The following CDO1 variants were observed in gnomAD, a reference collection of about 807,000 sequenced individuals.
The protein encoded by CDO1 is cysteine dioxygenase type 1.
A neutral mutation model predicts 24.5 loss-of-function variants in CDO1; 19 were observed. The observed-to-expected ratio is 0.77, with a 90% CI of 0.54 to 1.14. The LOEUF (loss-of-function observed/expected upper bound fraction) is 1.14, where lower values mean the gene tolerates loss of function less well. Ranked by LOEUF, CDO1 falls within the 50% of genes most tolerant of loss-of-function variation. The pLI is 0.00. For missense variants in CDO1, 244 were observed against 244.8 expected (o/e 1.00, Z 0.02); for synonymous variants, 91 against 87.0 (o/e 1.05, Z -0.26).
At chr5:115,805,619 T>C (rs548132894) in intron 4 of CDO1, among the ~76,000 whole-genome samples, 157 bp from the exon 5 acceptor site, 11 of 152,316 alleles carry the variant, frequency 7.2e-5, no homozygotes, top group African/African-American at 2.6e-4. Context: ...CTCTTAGGGT[T>C]TGGAATGTGG....
In CDO1 at chr5:115,812,797, C is replaced by T. The variant is rs565008262; in HGVS notation, c.248+384G>A. Among the ~76,000 whole-genome samples the T allele has an allele frequency of 1.5e-4, 23 of 152,134 alleles. No individual in the cohort carries two copies. In the South Asian group the frequency reaches 4.6e-3, roughly 30 times the overall value. Reference sequence around the variant, plus strand: ...GTGTGGTGGCTCATACCTGTAATCCCAGCACTTTGGGATGCCGAGGTGAGT... The same window carrying T: ...GTGTGGTGGCTCATACCTGTAATCCTAGCACTTTGGGATGCCGAGGTGAGT... On this transcript the variant is annotated intron_variant, in intron 2 of 4. Coordinates refer to ENST00000250535, the MANE Select transcript of CDO1 (RefSeq NM_001801.3).
At chr5:115,812,740 T>C (rs1023535315) in intron 2 of CDO1, among the ~76,000 whole-genome samples, 7 of 152,108 alleles carry the variant, frequency 4.6e-5, no homozygotes, top group Admixed American at 1.3e-4. Context: ...TTAGGGAACA[T>C]TGTGAACAAG....
Position 115,805,370 on chromosome 5 carries a change from C to A in CDO1, c.*63G>T. Reference sequence around the variant, plus strand: ...TACTGGATAGCACGTGGTAGGTAGCCTTTTTGTCCAAGGCAAACATACAGC... The same window carrying A: ...TACTGGATAGCACGTGGTAGGTAGCATTTTTGTCCAAGGCAAACATACAGC... On this transcript the variant is annotated 3_prime_UTR_variant, in exon 5 of 5. Coordinates refer to ENST00000250535, the MANE Select transcript of CDO1 (RefSeq NM_001801.3). 6.8e-7 allele frequency: 1 copy of A among 1,462,132 alleles called. No individual in the cohort carries two copies. Among genetic ancestry groups the A allele is most frequent in the Admixed American group, 1.8e-5 (1 of 56,496 alleles). 90.6% of individuals were successfully genotyped at this position (1,462,132 alleles called of 1,614,324 possible). A position where few individuals can be genotyped will look rare whatever the true frequency, so the allele number is the denominator to read the frequency against.
intron 3 of CDO1, 81 bp downstream of exon 3, chr5:115,811,080 T>C: frequency 7.8e-7 from 1 of 1,288,726 alleles, no homozygotes; most frequent in Non-Finnish European, 1.1e-6. Flanking sequence ...TTCTACTGCA[T>C]AAAAAGTGTA....
rs1477383129 is a variant in CDO1 at position 115,816,266 on chromosome 5, G to T, written c.132C>A (p.Pro44=). ...QAIMEAYESD[P]TEWAMYAKFD... Reference sequence around the variant, plus strand: ...ACTTGGCGTACATTGCCCACTCGGTGGGGTCGCTCTCGTAGGCTTCCATGA... The same window carrying T: ...ACTTGGCGTACATTGCCCACTCGGTTGGGTCGCTCTCGTAGGCTTCCATGA... The change falls in exon 1 of 5, where the codon CCC becomes CCA. Residue 44 remains proline, a synonymous_variant. Coordinates refer to ENST00000250535, the MANE Select transcript of CDO1 (RefSeq NM_001801.3). The T allele has an allele frequency of 6.2e-7, 1 of 1,614,088 alleles. No homozygotes were observed. The highest frequency in any genetic ancestry group is 1.3e-5 in the African/African-American group (1 of 74,942).
intron 3 of CDO1, chr5:115,809,533 C>T (rs1284557161): frequency 6.6e-6 from 1 of 152,198 alleles, no homozygotes; most frequent in Non-Finnish European, 1.5e-5. Flanking sequence ...GCTCACTTTA[C>T]TCTCCTGCTA....
rs12782 is a variant in CDO1, at chr5:115,816,552, G to A, written c.-155C>T. On this transcript the variant is annotated 5_prime_UTR_variant, in exon 1 of 5. Coordinates refer to ENST00000250535, the MANE Select transcript of CDO1 (RefSeq NM_001801.3). The stretch of plus-strand genomic sequence containing the variant: ...CCAGCATTAGAGTGCCGAAACGTAA[G>A]GATGTCGTCGCAGAGACAGCAAGAG... 28,659 of 796,716 alleles carry A rather than the reference G, an allele frequency of 0.036. 4,388 individuals carry two copies. The African/African-American group carries it at 0.38, about 10-fold the overall frequency. 49.4% of individuals were successfully genotyped at this position (796,716 alleles called of 1,614,324 possible).
intron 1 of CDO1, 64 bp downstream of exon 1, chr5:115,816,164 C>A: frequency 6.5e-7 from 1 of 1,528,278 alleles, no homozygotes; most frequent in Non-Finnish European, 8.9e-7. Context: ...GCGTCCCCCA[C>A]GTCCATTCCT....
chr5:115,808,391 A>G (rs772723954), intron 3 of CDO1, among the ~76,000 whole-genome samples: 1 of 152,202 alleles, frequency 6.6e-6, no homozygotes, highest in Non-Finnish European at 1.5e-5. Context: ...TAAATTATCA[A>G]TCAAGTTGTA....
At chr5:115,812,478 A>C (rs1760231131) in intron 2 of CDO1, among the ~76,000 whole-genome samples, 1 of 152,218 alleles carries the variant, frequency 6.6e-6, no homozygotes, top group African/African-American at 2.4e-5. Flanking sequence ...CTGAATTTGC[A>C]ATGCTTTTCT....
chr5:115,813,338 A>G, intron 1 of CDO1, 80 bp from the exon 2 acceptor site: 1 of 757,218 alleles, frequency 1.3e-6, no homozygotes, highest in South Asian at 1.6e-5. Context: ...GTCACCAAGT[A>G]CCATTTATTC....
chr5:115,810,482 C>A (rs950475099), intron 3 of CDO1, among the ~76,000 whole-genome samples: 1 of 152,158 alleles, frequency 6.6e-6, no homozygotes, highest in Non-Finnish European at 1.5e-5. Context: ...AGCTGAGTAA[C>A]CTTGGACAAA....
At chr5:115,814,165 T>TC (rs1481468659) in intron 1 of CDO1, 19 of 152,092 alleles carry the variant, frequency 1.2e-4, no homozygotes, top group Non-Finnish European at 2.8e-4. Context: ...GTCCCATTCC[T>TC]CCCCACCCCG....
At chr5:115,810,329 G>C (rs974155043) in intron 3 of CDO1, among the ~76,000 whole-genome samples, 2 of 152,002 alleles carry the variant, frequency 1.3e-5, no homozygotes, top group African/African-American at 2.4e-5. Flanking sequence ...AGGCCAGTAA[G>C]ATTTATGGAG....
intron 1 of CDO1, among the ~76,000 whole-genome samples, chr5:115,815,263 A>C (rs1760378152): frequency 6.6e-6 from 1 of 152,178 alleles, no homozygotes; most frequent in Non-Finnish European, 1.5e-5. Context: ...TGCTCAGAAA[A>C]AGTAGAACCT....
chr5:115,810,088 T>C (rs1311087784), intron 3 of CDO1, among the ~76,000 whole-genome samples: 1 of 152,236 alleles, frequency 6.6e-6, no homozygotes, highest in East Asian at 1.9e-4. Flanking sequence ...GAAAGGTGTG[T>C]GAATGCTTTA....
intron 1 of CDO1, 113 bp from the exon 2 acceptor site, chr5:115,813,371 C>T: frequency 1.7e-6 from 1 of 599,534 alleles, no homozygotes; most frequent in Non-Finnish European, 3.0e-6. Context: ...ATTTCCACCT[C>T]TAAGCAACTT....
chr5:115,815,997 C>A (rs1760419941), intron 1 of CDO1, among the ~76,000 whole-genome samples: 1 of 152,232 alleles, frequency 6.6e-6, no homozygotes, highest in Non-Finnish European at 1.5e-5. Context: ...GTCCGCCGTT[C>A]CCGGCCGGAG....
At chr5:115,815,432 C>A (rs1046979442) in intron 1 of CDO1, among the ~76,000 whole-genome samples, 1 of 151,940 alleles carries the variant, frequency 6.6e-6, no homozygotes. Flanking sequence ...CATTACAGAT[C>A]GTCAGAAGCA....
Sources: gnomAD v4.1 joint callset for allele counts (sites outside exome capture counted in the v4.1 genomes callset) on GRCh38, gnomAD v4.1.1 for gene constraint, MANE v1.5 for transcripts, NCBI Gene and HGNC (gene_info 2026-07-23, HGNC 2026-07-21) for gene names.